The following GRID2 variants were observed in gnomAD, a reference collection of about 807,000 sequenced individuals.
The protein encoded by GRID2 is glutamate ionotropic receptor delta type subunit 2.
A neutral mutation model predicts 114.8 loss-of-function variants in GRID2; 33 were observed. The observed-to-expected ratio is 0.29, with a 90% CI of 0.22 to 0.38. The LOEUF (loss-of-function observed/expected upper bound fraction) is 0.38. Among genes scored for constraint, GRID2 ranks in the 10% least tolerant of loss-of-function variants. The probability of loss-of-function intolerance (pLI) is 1.00; values close to 1 mark genes in which losing one functional copy is unlikely to be tolerated. For synonymous variants in GRID2, 505 were observed against 449.9 expected, an observed-to-expected ratio of 1.12 and a Z score of -1.55; for missense variants, 1,184 against 1,257.7, an observed-to-expected ratio of 0.94 and a Z score of 0.89.
chr4:92,985,555 A>G (rs1458722755), intron 2 of GRID2, among the ~76,000 whole-genome samples: 2 of 152,012 alleles, frequency 1.3e-5, no homozygotes, highest in Non-Finnish European at 1.5e-5. Context: ...TATTTTTTAT[A>G]TGGTCTCCTT....
intron 13 of GRID2, among the ~76,000 whole-genome samples, chr4:93,565,314 T>A (rs547303747): frequency 6.6e-6 from 1 of 152,166 alleles, no homozygotes; most frequent in African/African-American, 2.4e-5. Flanking sequence ...TTCATATCAA[T>A]ATCTTGATTG....
At chr4:93,775,349 C>T (rs1182231438), downstream of GRID2, among the ~76,000 whole-genome samples, 3 of 152,130 alleles carry the variant, frequency 2.0e-5, no homozygotes, top group Non-Finnish European at 2.9e-5. Context: ...TAAAACTCTG[C>T]CACCCTTCAA....
intron 13 of GRID2, among the ~76,000 whole-genome samples, chr4:93,551,666 T>C (rs1733766191): frequency 6.6e-6 from 1 of 152,184 alleles, no homozygotes; most frequent in Non-Finnish European, 1.5e-5. Context: ...AGCCTGTAAC[T>C]CTTAATCACA....
intron 13 of GRID2, among the ~76,000 whole-genome samples, chr4:93,597,509 A>G (rs1310125337): frequency 6.6e-6 from 1 of 152,162 alleles, no homozygotes; most frequent in Non-Finnish European, 1.5e-5. Flanking sequence ...TGCCTGACTT[A>G]CCAATAGAAT....
At chr4:92,729,551 T>C (rs939331716) in intron 2 of GRID2, among the ~76,000 whole-genome samples, 2 of 152,056 alleles carry the variant, frequency 1.3e-5, no homozygotes, top group African/African-American at 4.8e-5. Context: ...TCCTGAAGCA[T>C]TTCTTGTACT....
chr4:92,642,631 T>G (rs1354537333), intron 2 of GRID2, among the ~76,000 whole-genome samples: 2 of 151,672 alleles, frequency 1.3e-5, no homozygotes, highest in Admixed American at 6.6e-5. Flanking sequence ...TTTTGTTGTT[T>G]TTTTTAAATG....
At chr4:93,347,283 T>C (rs1275695683) in intron 8 of GRID2, among the ~76,000 whole-genome samples, 2 of 152,156 alleles carry the variant, frequency 1.3e-5, no homozygotes, top group African/African-American at 4.8e-5. Context: ...TTTTTGCTAA[T>C]TTTTCTTGGT....
intron 14 of GRID2, among the ~76,000 whole-genome samples, chr4:93,729,578 C>A (rs1188294631): frequency 6.6e-6 from 1 of 151,634 alleles, no homozygotes; most frequent in Non-Finnish European, 1.5e-5. Context: ...TGGAGTCTCA[C>A]TTTGTTGCAC....
chr4:93,128,051 AAAAAAAAAC>A (rs1268698587), intron 4 of GRID2, among the ~76,000 whole-genome samples: 9 of 130,500 alleles, frequency 6.9e-5, no homozygotes, highest in South Asian at 2.3e-4. Flanking sequence ...AAAAAAAAAA[AAAAAAAAAC>A]AACAGTACGT....
At chr4:92,657,157 G>A (rs909962991) in intron 2 of GRID2, among the ~76,000 whole-genome samples, 2 of 150,672 alleles carry the variant, frequency 1.3e-5, no homozygotes, top group Non-Finnish European at 3.0e-5. Context: ...ATTATTCAGG[G>A]GCATTTGAAA....
At chr4:93,240,445 T>A (rs1200898822) in intron 8 of GRID2, among the ~76,000 whole-genome samples, 2 of 151,554 alleles carry the variant, frequency 1.3e-5, no homozygotes, top group African/African-American at 4.8e-5. Context: ...GCTCATTATT[T>A]TTTTTTTGGA....
intron 2 of GRID2, among the ~76,000 whole-genome samples, chr4:92,914,974 G>A (rs950226420): frequency 1.3e-5 from 2 of 152,060 alleles, no homozygotes; most frequent in Non-Finnish European, 2.9e-5. Flanking sequence ...CCCCAGACTG[G>A]GTAATATAAA....
chr4:93,776,197 T>G (rs142515903), downstream of GRID2, among the ~76,000 whole-genome samples: 35 of 152,306 alleles, frequency 2.3e-4, no homozygotes, highest in East Asian at 6.8e-3. Context: ...AGTACTTTTC[T>G]TTCAAAAAAC....
intron 2 of GRID2, among the ~76,000 whole-genome samples, chr4:92,617,336 G>A (rs1730051374): frequency 6.6e-6 from 1 of 151,274 alleles, no homozygotes; most frequent in Non-Finnish European, 1.5e-5. Flanking sequence ...TTTAAGCCCC[G>A]CATGTATTAG....
At chr4:92,398,748 T>G (rs1730630644) in intron 1 of GRID2, among the ~76,000 whole-genome samples, 1 of 151,894 alleles carries the variant, frequency 6.6e-6, no homozygotes, top group Admixed American at 6.6e-5. Flanking sequence ...AGGAAAAAAA[T>G]GAAAGAAAGA....
intron 1 of GRID2, among the ~76,000 whole-genome samples, chr4:92,456,336 C>T (rs1337145084): frequency 6.6e-6 from 1 of 151,992 alleles, no homozygotes; most frequent in East Asian, 1.9e-4. Context: ...GGAAAATGCA[C>T]TCCCATGAGA....
At chr4:92,530,518 A>G (rs1725288565) in intron 1 of GRID2, among the ~76,000 whole-genome samples, 1 of 151,414 alleles carries the variant, frequency 6.6e-6, no homozygotes, top group African/African-American at 2.4e-5. Context: ...GAAAAAAAAA[A>G]AAAAAAAGAG....
chr4:92,785,884 A>G (rs1230407781), intron 2 of GRID2, among the ~76,000 whole-genome samples: 1 of 151,850 alleles, frequency 6.6e-6, no homozygotes, highest in African/African-American at 2.4e-5. Flanking sequence ...ACATTTCAAT[A>G]CCTGATCATG....
chr4:92,621,039 A>T (rs1379910358), intron 2 of GRID2, among the ~76,000 whole-genome samples: 1 of 151,276 alleles, frequency 6.6e-6, no homozygotes, highest in Non-Finnish European at 1.5e-5. Context: ...TTCTCAGATC[A>T]GAGCTGAGAT....
Sources: gnomAD v4.1 joint callset for allele counts (sites outside exome capture counted in the v4.1 genomes callset) on GRCh38, gnomAD v4.1.1 for gene constraint, MANE v1.5 for transcripts, NCBI Gene and HGNC (gene_info 2026-07-23, HGNC 2026-07-21) for gene names.